PCDHGB4: variants seen among roughly 807,000 people sequenced by gnomAD.
PCDHGB4 encodes the protein protocadherin gamma-B4.
PCDHGB4 carries 38 observed loss-of-function variants against 60.5 expected under a neutral mutation model. That is an observed-to-expected ratio of 0.63 (90% CI 0.48 to 0.82). PCDHGB4 has a LOEUF of 0.82. PCDHGB4 is among the 40% of genes least tolerant of loss of function. The pLI, the probability that PCDHGB4 is intolerant of heterozygous loss-of-function variation, is 0.00. For synonymous variants in PCDHGB4, 456 were observed against 509.7 expected (o/e 0.89, Z 1.42); for missense variants, 1,109 against 1,209.6 (o/e 0.92, Z 1.23).
chr5:141,505,335 A>G, intron 2 of PCDHGB4, 58 bp from the exon 3 acceptor site: 1 of 1,611,086 alleles, frequency 6.2e-7, no homozygotes, highest in Non-Finnish European at 8.5e-7. Flanking sequence ...AGAGGACAGG[A>G]GGGGCATGAG....
Position 141,431,938 on chromosome 5 carries a change from A to G in PCDHGB4, c.2397+41657A>G, listed in dbSNP as rs150199588. 49 of 1,614,050 alleles carry G rather than the reference A, an allele frequency of 3.0e-5. No individual in the cohort carries two copies. Among genetic ancestry groups the G allele is most frequent in the Non-Finnish European group, 3.9e-5 (46 of 1,180,026 alleles). Reference sequence around the variant, plus strand: ...TCATCCAAGGAAATCTGCCCTTTAAATTAGAAAAATCTTACGGAAATTACT... The same window carrying G: ...TCATCCAAGGAAATCTGCCCTTTAAGTTAGAAAAATCTTACGGAAATTACT... On this transcript the variant is annotated intron_variant, in intron 1 of 3. Coordinates refer to ENST00000519479, the MANE Select transcript of PCDHGB4 (RefSeq NM_003736.4). This position sits in a 1 kb window ranked among gnomAD's most constrained non-coding sequence, Gnocchi z 4.8.
At chr5:141,409,596 A>G in intron 1 of PCDHGB4, 1 of 1,613,714 alleles carries the variant, frequency 6.2e-7, no homozygotes, top group Non-Finnish European at 8.5e-7. Flanking sequence ...GCCGAGAACA[A>G]CCCGCCAGGA....
At chr5:141,411,394 A>AC (rs958605809) in intron 1 of PCDHGB4, 4 of 151,570 alleles carry the variant, frequency 2.6e-5, no homozygotes, top group South Asian at 2.1e-4. Context: ...ATATAGGGAG[A>AC]CCCCCCATCT....
chr5:141,480,407 C>T (rs906445993), intron 1 of PCDHGB4, among the ~76,000 whole-genome samples: 1 of 139,782 alleles, frequency 7.2e-6, no homozygotes, highest in Admixed American at 7.0e-5. Context: ...AGAGTGAGAC[C>T]CTGTCTCAAA....
At chr5:141,501,510 T>G (rs11744379) in intron 2 of PCDHGB4, among the ~76,000 whole-genome samples, 29,206 of 151,772 alleles carry the variant, frequency 0.19, 2,837 homozygotes, top group Middle Eastern at 0.24. Context: ...CTCCAAGGCC[T>G]CCAAGCTGAA....
chr5:141,399,036 G>A, intron 1 of PCDHGB4: 1 of 1,613,800 alleles, frequency 6.2e-7, no homozygotes, highest in African/African-American at 1.3e-5. Context: ...AAAAGAAACT[G>A]GATTTTGAAG....
chr5:141,401,537 A>G (rs188857820), intron 1 of PCDHGB4, among the ~76,000 whole-genome samples: 56 of 152,362 alleles, frequency 3.7e-4, no homozygotes, highest in Non-Finnish European at 7.5e-4. Context: ...AACTTACAAA[A>G]AAAAGGAAAT....
chr5:141,409,173 G>T (rs1235074997), intron 1 of PCDHGB4: 3 of 1,614,028 alleles, frequency 1.9e-6, no homozygotes. Flanking sequence ...GCGAAGGACG[G>T]AGGTGGTCTC....
intron 1 of PCDHGB4, among the ~76,000 whole-genome samples, chr5:141,456,968 A>AAAAC (rs202005606): frequency 1.3e-4 from 20 of 152,282 alleles, no homozygotes; most frequent in Middle Eastern, 3.4e-3. Flanking sequence ...ATCTCAAAAC[A>AAAAC]AAACAAACAA....
At position 141,487,339 on chromosome 5, in the gene PCDHGB4, A is replaced by T; in HGVS notation, c.2398-7468A>T. On this transcript the variant is annotated intron_variant, in intron 1 of 3. Coordinates refer to ENST00000519479, the MANE Select transcript of PCDHGB4 (RefSeq NM_003736.4). The surrounding 1 kb of genome is among the most constrained non-coding windows in gnomAD (Gnocchi z 5.0). ...AGTGTCTTCGTGGGGCAGCCTGTGG[A>T]GTCACATGCTTTCCTGCTGGCACCT... The T allele has an allele frequency of 1.9e-6, 3 of 1,614,096 alleles. No individual in the cohort carries two copies. Among genetic ancestry groups the T allele is most frequent in the Non-Finnish European group, 2.5e-6 (3 of 1,180,000 alleles).
At chr5:141,426,767 A>G (rs1219028777) in intron 1 of PCDHGB4, 1 of 456,548 alleles carries the variant, frequency 2.2e-6, no homozygotes, top group Admixed American at 2.3e-5. Flanking sequence ...ATGCAGATGT[A>G]GGGCCTCACT....
At chr5:141,488,011 T>C (rs1424799954) in intron 1 of PCDHGB4, among the ~76,000 whole-genome samples, 1 of 152,182 alleles carries the variant, frequency 6.6e-6, no homozygotes, top group Non-Finnish European at 1.5e-5. Context: ...GATTCTGAAG[T>C]ACCTTAACTC....
intron 1 of PCDHGB4, chr5:141,421,983 T>G: frequency 6.2e-7 from 1 of 1,609,228 alleles, no homozygotes; most frequent in Non-Finnish European, 8.5e-7. Context: ...GCGTGAGTGT[T>G]CCAGAAAACA....
At chr5:141,484,399 CCGCTGTGTCT>C (rs1488164183) in intron 1 of PCDHGB4, among the ~76,000 whole-genome samples, 4 of 152,186 alleles carry the variant, frequency 2.6e-5, no homozygotes, top group Non-Finnish European at 4.4e-5. Context: ...GGTTTGGTTT[CCGCTGTGTCT>C]CCTGTTACAA....
intron 1 of PCDHGB4, chr5:141,399,433 C>T (rs1485508239): frequency 1.9e-6 from 3 of 1,613,892 alleles, no homozygotes; most frequent in Non-Finnish European, 2.5e-6. Flanking sequence ...AAGCGTCATC[C>T]TACATATCAG....
intron 1 of PCDHGB4, among the ~76,000 whole-genome samples, chr5:141,466,965 C>G (rs1345790988): frequency 6.6e-6 from 1 of 152,016 alleles, no homozygotes; most frequent in African/African-American, 2.4e-5. Context: ...CAAATATTTT[C>G]TCACAGCTCA....
chr5:141,416,504 C>CA (rs1467352050), intron 1 of PCDHGB4: 4 of 152,040 alleles, frequency 2.6e-5, no homozygotes, highest in African/African-American at 9.7e-5. Context: ...AGATATATGA[C>CA]AAAGCTATTT....
rs1195316502 is a variant in PCDHGB4 at position 141,431,006 on chromosome 5, A to G, written c.2397+40725A>G. 1.2e-6 allele frequency: 2 copies of G among 1,614,116 alleles called. No individual in the cohort carries two copies. Among genetic ancestry groups the G allele is most frequent in the South Asian group, 2.2e-5 (2 of 91,078 alleles). ...TTTCGCCCTGAATCCGCGCAGCGGC[A>G]GCTTGGTCACGGCGGGCAGGATAGA... On this transcript the variant is annotated intron_variant, in intron 1 of 3. Transcript: ENST00000519479. The surrounding 1 kb of genome is among the most constrained non-coding windows in gnomAD (Gnocchi z 4.8).
At chr5:141,470,942 C>T (rs1156728317) in intron 1 of PCDHGB4, among the ~76,000 whole-genome samples, 1 of 152,020 alleles carries the variant, frequency 6.6e-6, no homozygotes, top group Non-Finnish European at 1.5e-5. Context: ...GTCTCAAATT[C>T]CTGGCCTCAA....
Sources: gnomAD v4.1 joint callset for allele counts (sites outside exome capture counted in the v4.1 genomes callset) on GRCh38, gnomAD v4.1.1 for gene constraint, Gnocchi (gnomAD v3.1) non-coding constraint, MANE v1.5 for transcripts, NCBI Gene and HGNC (gene_info 2026-07-23, HGNC 2026-07-21) for gene names.